PDLIM4: variants seen among roughly 807,000 people sequenced by gnomAD.
PDLIM4 encodes the protein PDZ and LIM domain protein 4.
A neutral mutation model predicts 31.3 loss-of-function variants in PDLIM4; 19 were observed. That is an observed-to-expected ratio of 0.61 (90% CI 0.42 to 0.89). The LOEUF is 0.89. Among genes scored for constraint, PDLIM4 ranks in the 40% least tolerant of loss-of-function variants. The probability of loss-of-function intolerance (pLI) is 0.00; values close to 1 mark genes in which losing one functional copy is unlikely to be tolerated. For synonymous variants in PDLIM4, 176 were observed against 190.1 expected, an observed-to-expected ratio of 0.93 and a Z score of 0.61; for missense variants, 442 against 461.1, an observed-to-expected ratio of 0.96 and a Z score of 0.38.
At chr5:132,262,865 G>C in intron 2 of PDLIM4, 105 bp downstream of exon 2, 1 of 1,068,550 alleles carries the variant, frequency 9.4e-7, no homozygotes. Context: ...CTCTGCCTCA[G>C]CTCCTGGGTG....
rs1214821682 is a variant in PDLIM4 at position 132,257,702 on chromosome 5, C to T, written c.-33C>T. On this transcript the variant is annotated 5_prime_UTR_variant, in exon 1 of 7. Transcript: ENST00000253754. The surrounding 1 kb of genome is among the most constrained non-coding windows in gnomAD (Gnocchi z 4.3). Reference sequence around the variant, plus strand: ...GCGGCGGCGGCTCCTCCTCAGAGTCCGGCTCAGGCTCCGGCTGCGGCTCCA... The same window carrying T: ...GCGGCGGCGGCTCCTCCTCAGAGTCTGGCTCAGGCTCCGGCTGCGGCTCCA... 7.7e-5 allele frequency: 105 copies of T among 1,363,288 alleles called. No homozygotes were observed. Among genetic ancestry groups the T allele is most frequent in the Admixed American group, 2.3e-4 (9 of 39,862 alleles). 84.4% of individuals were successfully genotyped at this position (1,363,288 alleles called of 1,614,324 possible). A position where few individuals can be genotyped will look rare whatever the true frequency, so the allele number is the denominator to read the frequency against.
At chr5:132,271,276 C>T (rs1430633717) in intron 4 of PDLIM4, 27 bp from the exon 5 acceptor site, 1 of 1,576,686 alleles carries the variant, frequency 6.3e-7, no homozygotes, top group Non-Finnish European at 8.6e-7. Flanking sequence ...TGCATCCCTT[C>T]CTCCTCTATT....
chr5:132,271,315 C>T lies in PDLIM4; in HGVS notation c.519C>T (p.Ala173=), dbSNP rs1561523727. ...TTCTCCCTCCCAGCGCTGACCCAGC[C>T]AGAGGCCTCCCGCGGAGCCGGGACT... ...HVSPPPSADP[A]RGLPRSRDCR... The change falls in exon 5 of 7, where the codon GCC becomes GCT. Residue 173 remains alanine (A), a synonymous_variant. Coordinates refer to ENST00000253754, the MANE Select transcript of PDLIM4 (RefSeq NM_003687.4). 1 of 1,596,264 alleles carries T rather than the reference C, an allele frequency of 6.3e-7. No individual in the cohort carries two copies. The highest frequency in any genetic ancestry group is 8.5e-7 in the Non-Finnish European group (1 of 1,172,854).
At chr5:132,260,283 T>A (rs1756344537) in intron 1 of PDLIM4, among the ~76,000 whole-genome samples, 1 of 152,194 alleles carries the variant, frequency 6.6e-6, no homozygotes, top group African/African-American at 2.4e-5. Context: ...CTGACTTCAC[T>A]GTTCCTGTCT....
intron 3 of PDLIM4, among the ~76,000 whole-genome samples, chr5:132,268,069 G>T (rs955899132): frequency 7.2e-5 from 11 of 152,040 alleles, no homozygotes; most frequent in Non-Finnish European, 1.3e-4. Flanking sequence ...GGGCCGGTGG[G>T]CCTGGGAGGC....
intron 2 of PDLIM4, among the ~76,000 whole-genome samples, chr5:132,266,058 G>A (rs1756484890): frequency 6.6e-6 from 1 of 152,196 alleles, no homozygotes; most frequent in Non-Finnish European, 1.5e-5. Context: ...ACCAGAGGCT[G>A]TAGATGCCCA....
At position 132,272,074 on chromosome 5, in the gene PDLIM4, A is replaced by G. The variant is rs199543441; in HGVS notation, c.838A>G (p.Met280Val). 31 of 1,614,214 alleles carry G rather than the reference A, an allele frequency of 1.9e-5. No homozygotes were observed. In the African/African-American group the frequency reaches 2.9e-4, roughly 15 times the overall value. ...CAAGCTCTACCATCCCGAGTGCTTC[A>G]TGTGCAGTGACTGCGGCCTGAACCT... ...RDKLYHPECF[M>V]CSDCGLNLKQ... The change falls in exon 7 of 7, where the codon ATG (methionine) becomes GTG (valine). Residue 280 changes from methionine to valine, a missense_variant. Met to Val is a conservative substitution (Grantham distance 21). Coordinates refer to ENST00000253754, the MANE Select transcript of PDLIM4 (RefSeq NM_003687.4).
At position 132,271,778 on chromosome 5, in the gene PDLIM4, C is replaced by G; in HGVS notation, c.671-13C>G. The G allele has an allele frequency of 1.3e-6, 2 of 1,570,690 alleles. No individual in the cohort carries two copies. The highest frequency in any genetic ancestry group is 1.8e-6 in the Non-Finnish European group (2 of 1,141,074). On this transcript the variant is annotated splice_polypyrimidine_tract_variant and intron_variant, in intron 5 of 6. Transcript: ENST00000253754. ...CCTCACCCCGTTCATGCCACCTACG[C>G]TCCGGGTTTCAGGGGATTGGCCCGG...
chr5:132,258,435 C>G (rs1170878266), intron 1 of PDLIM4, among the ~76,000 whole-genome samples: 1 of 152,212 alleles, frequency 6.6e-6, no homozygotes, highest in African/African-American at 2.4e-5. Context: ...GAGACCCCTC[C>G]CCACAAGATG....
chr5:132,265,096 T>C (rs1269619802), intron 2 of PDLIM4, among the ~76,000 whole-genome samples: 1 of 152,224 alleles, frequency 6.6e-6, no homozygotes, highest in Non-Finnish European at 1.5e-5. Flanking sequence ...AGAGTCCCTG[T>C]TGTCCATCAC....
chr5:132,271,924 C>T lies in PDLIM4; in HGVS notation c.788+16C>T, dbSNP rs1244706822. 3 of 1,596,774 alleles carry T rather than the reference C, an allele frequency of 1.9e-6. No individual in the cohort carries two copies. The highest frequency in any genetic ancestry group is 1.7e-5 in the Admixed American group (1 of 59,372). Reference sequence around the variant, plus strand: ...ACGGCATCGTGTGAGTAACCGCCCCCGCTGCCCCTCCCGGACCCTAGCCTT... The same window carrying T: ...ACGGCATCGTGTGAGTAACCGCCCCTGCTGCCCCTCCCGGACCCTAGCCTT... On this transcript the variant is annotated intron_variant, in intron 6 of 6. Transcript: ENST00000253754.
intron 1 of PDLIM4, 31 bp from the exon 2 acceptor site, chr5:132,262,576 CTG>C (rs1166396818): frequency 1.2e-5 from 19 of 1,570,216 alleles, no homozygotes; most frequent in Non-Finnish European, 1.6e-5. Context: ...CATATCATGA[CTG>C]TGCCCAGCCA....
intron 3 of PDLIM4, among the ~76,000 whole-genome samples, chr5:132,267,114 A>G (rs4705852): frequency 0.59 from 89,590 of 152,016 alleles, 27,068 homozygotes; most frequent in Non-Finnish European, 0.64. Context: ...GGGTCAGGCT[A>G]TTCTAGGGCC....
At position 132,272,241 on chromosome 5, in the gene PDLIM4, G is replaced by C; in HGVS notation, c.*12G>C. 1 of 1,606,476 alleles carries C rather than the reference G, an allele frequency of 6.2e-7. No homozygotes were observed. Among genetic ancestry groups the C allele is most frequent in the Non-Finnish European group, 8.5e-7 (1 of 1,173,206 alleles). On this transcript the variant is annotated 3_prime_UTR_variant, in exon 7 of 7. Coordinates refer to ENST00000253754, the MANE Select transcript of PDLIM4 (RefSeq NM_003687.4). ...TGGAACTCGTCTGAGCTGGGACCCT[G>C]CTCCCACGCCTGCTTCTTAAGGTCC...
At position 132,272,693 on chromosome 5, in the gene PDLIM4, C is replaced by G. The variant is rs986637529; in HGVS notation, c.*464C>G. On this transcript the variant is annotated 3_prime_UTR_variant, in exon 7 of 7. Transcript: ENST00000253754. Reference sequence around the variant, plus strand: ...TGGGGGCGAGAAAGGCCTCTGTGGCCGTCATCGGCACTAGCGGGTTGGGGG... The same window carrying G: ...TGGGGGCGAGAAAGGCCTCTGTGGCGGTCATCGGCACTAGCGGGTTGGGGG... The G allele has an allele frequency of 1.4e-5, 3 of 212,582 alleles. No homozygotes were observed. Among genetic ancestry groups the G allele is most frequent in the African/African-American group, 4.5e-5 (2 of 44,100 alleles). 13.2% of individuals were successfully genotyped at this position (212,582 alleles called of 1,614,324 possible).
chr5:132,271,808 G>T lies in PDLIM4; in HGVS notation c.688G>T (p.Gly230Cys), dbSNP rs780562316. 9.9e-6 allele frequency: 16 copies of T among 1,611,020 alleles called. No homozygotes were observed. Among genetic ancestry groups the T allele is most frequent in the Non-Finnish European group, 1.3e-5 (15 of 1,177,780 alleles). Residue 230 changes from glycine to cysteine, a missense_variant, in exon 6 of 7, where the codon GGC (glycine) becomes TGC (cysteine). Gly to Cys is a radical substitution (Grantham distance 159, BLOSUM62 -3). Coordinates refer to ENST00000253754, the MANE Select transcript of PDLIM4 (RefSeq NM_003687.4). Reference sequence around the variant, plus strand: ...GGTTTCAGGGGATTGGCCCGGGCCTGGCGGCCCCCGGAACCTCAAGCCCAC... The same window carrying T: ...GGTTTCAGGGGATTGGCCCGGGCCTTGCGGCCCCCGGAACCTCAAGCCCAC... ...AGEGGDWPGP[G>C]GPRNLKPTAS...
Position 132,259,822 on chromosome 5 carries a change from A to G in PDLIM4, c.93+1995A>G, listed in dbSNP as rs112103251. On this transcript the variant is annotated intron_variant, in intron 1 of 6. Transcript: ENST00000253754. The stretch of plus-strand genomic sequence containing the variant: ...TGAAGCCTCCAGGAGTCCCAAGAAC[A>G]TCATCCGGGGCTCCTTCCCCACAAG... Among the ~76,000 whole-genome samples, 1,386 of 152,184 alleles carry G rather than the reference A, an allele frequency of 9.1e-3. 19 individuals are homozygous for G. The highest frequency in any genetic ancestry group is 0.032 in the African/African-American group (1,313 of 41,528).
Position 132,262,632 on chromosome 5 carries a change from A to G in PDLIM4, c.117A>G (p.Ala39=), listed in dbSNP as rs765354066. 2.5e-6 allele frequency: 4 copies of G among 1,610,144 alleles called. No homozygotes were observed. The highest frequency in any genetic ancestry group is 1.3e-5 in the African/African-American group (1 of 74,990). ...ISRVHAGSKA[A]LAALCPGDLI... ...AGGTCCATGCTGGCAGCAAGGCTGC[A>G]TTGGCTGCCCTGTGCCCAGGAGACC... Residue 39 remains alanine, a synonymous_variant, in exon 2 of 7, where the codon GCA becomes GCG. Coordinates refer to ENST00000253754, the MANE Select transcript of PDLIM4 (RefSeq NM_003687.4).
chr5:132,266,428 A>C, intron 2 of PDLIM4, 36 bp from the exon 3 acceptor site: 3 of 1,421,716 alleles, frequency 2.1e-6, no homozygotes, highest in Non-Finnish European at 2.0e-6. Flanking sequence ...TGGGCGTGGT[A>C]GGAGACATAT....
Sources: gnomAD v4.1 joint callset for allele counts (sites outside exome capture counted in the v4.1 genomes callset) on GRCh38, gnomAD v4.1.1 for gene constraint, Gnocchi (gnomAD v3.1) non-coding constraint, MANE v1.5 for transcripts, NCBI Gene and HGNC (gene_info 2026-07-23, HGNC 2026-07-21) for gene names.